Variants in BAG2 observed in about 807,000 individuals in gnomAD.
BAG2 encodes the protein BAG family molecular chaperone regulator 2.
A neutral mutation model predicts 16.4 loss-of-function variants in BAG2; 8 were observed. The observed-to-expected ratio is 0.49, with a 90% CI of 0.29 to 0.88. The LOEUF (loss-of-function observed/expected upper bound fraction) is 0.88, where lower values mean the gene tolerates loss of function less well. Ranked by LOEUF, BAG2 falls within the 40% of genes least tolerant of loss-of-function variation. The pLI is 0.09. For synonymous variants in BAG2, 82 were observed against 89.2 expected, an observed-to-expected ratio of 0.92 and a Z score of 0.46; for missense variants, 218 against 248.9, an observed-to-expected ratio of 0.88 and a Z score of 0.84.
At position 57,172,791 on chromosome 6, in the gene BAG2, C is replaced by T; in HGVS notation, c.94C>T (p.Leu32=). 6.4e-7 allele frequency: 1 copy of T among 1,561,800 alleles called. No homozygotes were observed. Among genetic ancestry groups the T allele is most frequent in the Non-Finnish European group, 8.6e-7 (1 of 1,156,906 alleles). The part of the protein sequence containing the change: ...ADRSSRLLES[L]DQLELRVEAL... ...CCGCTCCAGCCGCCTGCTGGAGAGC[C>T]TGGACCAGCTGGAGCTCAGGTGAGC... The change falls in exon 1 of 3, where the codon CTG becomes TTG. Residue 32 remains leucine, a synonymous_variant. Coordinates refer to ENST00000370693, the MANE Select transcript of BAG2 (RefSeq NM_004282.4).
In BAG2 at chr6:57,181,587, C is replaced by T. The variant is rs758987918; in HGVS notation, c.114-445C>T. 9.2e-5 allele frequency among the ~76,000 whole-genome samples: 14 copies of T among 151,948 alleles called. 1 individual carries two copies. Among genetic ancestry groups the T allele is most frequent in the Non-Finnish European group, 1.8e-4 (12 of 67,992 alleles). ...CTCTACTAAAACTACAGAAATTAGCCGGGCCTGGAGGCTGAGGCACGAGAA... is the reference window on the plus strand; with the variant it reads ...CTCTACTAAAACTACAGAAATTAGCTGGGCCTGGAGGCTGAGGCACGAGAA... On this transcript the variant is annotated intron_variant, in intron 1 of 2. Coordinates refer to ENST00000370693, the MANE Select transcript of BAG2 (RefSeq NM_004282.4).
intron 1 of BAG2, among the ~76,000 whole-genome samples, chr6:57,176,823 T>C (rs761461207): frequency 1.3e-5 from 2 of 152,200 alleles, no homozygotes; most frequent in African/African-American, 4.8e-5. Flanking sequence ...TATATGTTAT[T>C]TGAAACTTTA....
At position 57,188,074 on chromosome 6, in the gene BAG2, T is replaced by TA. The variant is rs1431838727; in HGVS notation, c.*3890dup. ...CTACGCAAAAGATTAGCCGTAATGT[T>TA]AAAAAAGTAGATTAGAGCACAAATG... On this transcript the variant is annotated 3_prime_UTR_variant, in exon 3 of 3. Coordinates refer to ENST00000370693, the MANE Select transcript of BAG2 (RefSeq NM_004282.4). The TA allele has an allele frequency of 1.3e-5, 2 of 152,176 alleles. No individual in the cohort carries two copies. The highest frequency in any genetic ancestry group is 3.2e-3 in the Middle Eastern group (1 of 316). The allele number at this position is 152,176 out of a possible 1,614,324, so 9.4% of individuals were successfully genotyped here.
At chr6:57,179,959 T>TAA (rs199881391) in intron 1 of BAG2, among the ~76,000 whole-genome samples, 30 of 144,332 alleles carry the variant, frequency 2.1e-4, no homozygotes, top group Non-Finnish European at 2.0e-4. Context: ...GACCTTTTCT[T>TAA]AAAAAAAAAA....
At chr6:57,182,788 T>C (rs988254685) in intron 2 of BAG2, among the ~76,000 whole-genome samples, 4 of 152,078 alleles carry the variant, frequency 2.6e-5, no homozygotes, top group Non-Finnish European at 5.9e-5. Context: ...GTAGCTGGGA[T>C]TACAGGCACG....
intron 1 of BAG2, 132 bp from the exon 2 acceptor site, chr6:57,181,900 A>G: frequency 1.4e-6 from 1 of 705,692 alleles, no homozygotes; most frequent in South Asian, 2.0e-5. Flanking sequence ...AAAGAATTTT[A>G]AAGCAGAAAT....
chr6:57,183,011 A>T lies in BAG2; in HGVS notation c.224-767A>T, dbSNP rs1303732144. Reference sequence around the variant, plus strand: ...AATAGGTCACTTCTGATTTTCTTTTATTGGCACTGGACTTCCTACTTGGGC... The same window carrying T: ...AATAGGTCACTTCTGATTTTCTTTTTTTGGCACTGGACTTCCTACTTGGGC... On this transcript the variant is annotated intron_variant, in intron 2 of 2. Coordinates refer to ENST00000370693, the MANE Select transcript of BAG2 (RefSeq NM_004282.4). Among the ~76,000 whole-genome samples the T allele has an allele frequency of 3.3e-5, 5 of 152,144 alleles. No individual in the cohort carries two copies. In the South Asian group the frequency reaches 6.2e-4, roughly 19 times the overall value.
rs1270549450 is a variant in BAG2 at position 57,188,371 on chromosome 6, A to G, written c.*4181A>G. The G allele has an allele frequency of 6.6e-6, 1 of 152,158 alleles. No homozygotes were observed. Among genetic ancestry groups the G allele is most frequent in the Non-Finnish European group, 1.5e-5 (1 of 67,992 alleles). The allele number at this position is 152,158 out of a possible 1,614,324, so 9.4% of individuals were successfully genotyped here. On this transcript the variant is annotated 3_prime_UTR_variant, in exon 3 of 3. Coordinates refer to ENST00000370693, the MANE Select transcript of BAG2 (RefSeq NM_004282.4). ...CTCTTCAGTTCTTATTTAAAAAAAGATAAAACTAGGTACATAAAATTATAT... is the reference window on the plus strand; with the variant it reads ...CTCTTCAGTTCTTATTTAAAAAAAGGTAAAACTAGGTACATAAAATTATAT...
At chr6:57,176,866 T>C (rs1764299510) in intron 1 of BAG2, among the ~76,000 whole-genome samples, 1 of 150,468 alleles carries the variant, frequency 6.6e-6, no homozygotes, top group African/African-American at 2.5e-5. Context: ...GGGCACATAC[T>C]CTCTCTCCTA....
chr6:57,180,263 A>G (rs1254391227), intron 1 of BAG2, among the ~76,000 whole-genome samples: 1 of 152,192 alleles, frequency 6.6e-6, no homozygotes, highest in Non-Finnish European at 1.5e-5. Flanking sequence ...TTAAACAGAG[A>G]GATGTTATAA....
At chr6:57,172,889 G>T (rs979104598) in intron 1 of BAG2, 79 bp downstream of exon 1, 3 of 1,246,736 alleles carry the variant, frequency 2.4e-6, no homozygotes, top group Non-Finnish European at 3.2e-6. Flanking sequence ...CGGAGGCCGC[G>T]TGTGGCGGGC....
At chr6:57,174,443 AG>A (rs1478824111) in intron 1 of BAG2, 1 of 1,265,208 alleles carries the variant, frequency 7.9e-7, no homozygotes, top group East Asian at 5.6e-5. Context: ...AGAAAGCCTC[AG>A]GTTTTGAATA....
chr6:57,182,365 T>C (rs186921168), intron 2 of BAG2, among the ~76,000 whole-genome samples: 1 of 151,748 alleles, frequency 6.6e-6, no homozygotes, highest in Non-Finnish European at 1.5e-5. Flanking sequence ...CTAGGAGAGA[T>C]AGGAAAAAGC....
rs557841647 is a variant in BAG2, at chr6:57,174,594, T to A, written c.113+1784T>A. Among the ~76,000 whole-genome samples the A allele has an allele frequency of 8.5e-4, 129 of 152,362 alleles. No homozygotes were observed. In the Middle Eastern group the frequency reaches 0.014, roughly 16 times the overall value. Reference sequence around the variant, plus strand: ...GCTGTTCATTTCAAGGACTTTTTTTTAGTAATTCTGGACTTTTGTAGGCCT... The same window carrying A: ...GCTGTTCATTTCAAGGACTTTTTTTAAGTAATTCTGGACTTTTGTAGGCCT... On this transcript the variant is annotated intron_variant, in intron 1 of 2. Transcript: ENST00000370693.
intron 1 of BAG2, among the ~76,000 whole-genome samples, chr6:57,177,119 T>C (rs1254754967): frequency 6.6e-6 from 1 of 152,200 alleles, no homozygotes; most frequent in Non-Finnish European, 1.5e-5. Flanking sequence ...CTATGAGTTT[T>C]AAGAACCTGT....
At position 57,172,765 on chromosome 6, in the gene BAG2, A is replaced by G; in HGVS notation, c.68A>G (p.Asp23Gly). 6.3e-7 allele frequency: 1 copy of G among 1,579,904 alleles called. No homozygotes were observed. Among genetic ancestry groups the G allele is most frequent in the Non-Finnish European group, 8.6e-7 (1 of 1,166,090 alleles). ...TTCTGCCGCTCCTCCTCCATGGCTGACCGCTCCAGCCGCCTGCTGGAGAGC... is the reference window on the plus strand; with the variant it reads ...TTCTGCCGCTCCTCCTCCATGGCTGGCCGCTCCAGCCGCCTGCTGGAGAGC... ...GRFCRSSSMA[D>G]RSSRLLESLD... The change falls in exon 1 of 3, where the codon GAC (aspartate) becomes GGC (glycine). Residue 23 changes from aspartate (D) to glycine (G), a missense_variant. Coordinates refer to ENST00000370693, the MANE Select transcript of BAG2 (RefSeq NM_004282.4).
intron 1 of BAG2, chr6:57,173,111 G>A (rs1194401200): frequency 8.6e-6 from 9 of 1,041,942 alleles, no homozygotes; most frequent in Non-Finnish European, 1.0e-5. Flanking sequence ...AAAATCAGAG[G>A]AGATAAAAGT....
At chr6:57,177,701 C>T (rs543247169) in intron 1 of BAG2, among the ~76,000 whole-genome samples, 1 of 152,262 alleles carries the variant, frequency 6.6e-6, no homozygotes, top group South Asian at 2.1e-4. Flanking sequence ...GCACTGTTCC[C>T]TTATCATCCC....
rs1028864875 is a variant in BAG2 at position 57,188,363 on chromosome 6, A to T, written c.*4173A>T. The T allele has an allele frequency of 1.3e-5, 2 of 152,252 alleles. No individual in the cohort carries two copies. The highest frequency in any genetic ancestry group is 2.4e-5 in the African/African-American group (1 of 41,578). The allele number at this position is 152,252 out of a possible 1,614,324, so 9.4% of individuals were successfully genotyped here. A position where few individuals can be genotyped will look rare whatever the true frequency, so the allele number is the denominator to read the frequency against. ...AAAGCTCTCTCTTCAGTTCTTATTT[A>T]AAAAAAGATAAAACTAGGTACATAA... On this transcript the variant is annotated 3_prime_UTR_variant, in exon 3 of 3. Transcript: ENST00000370693.
Sources: allele counts gnomAD v4.1 joint callset (sites outside exome capture counted in the v4.1 genomes callset), GRCh38; gene constraint gnomAD v4.1.1; transcripts MANE v1.5; gene names NCBI Gene and HGNC (gene_info 2026-07-23, HGNC 2026-07-21).